The following ITGAD variants were observed in gnomAD, a reference collection of about 807,000 sequenced individuals.
The protein encoded by ITGAD is integrin subunit alpha D, also known as integrin alpha-D.
A neutral mutation model predicts 139.0 loss-of-function variants in ITGAD; 105 were observed. The observed-to-expected ratio is 0.76, with a 90% confidence interval of 0.65 to 0.89. The LOEUF (loss-of-function observed/expected upper bound fraction) is 0.89. Among genes scored for constraint, ITGAD ranks in the 40% least tolerant of loss-of-function variants. The pLI is 0.00. For missense variants in ITGAD, 1,384 were observed against 1,487.3 expected (o/e 0.93, Z 1.14); for synonymous variants, 569 against 598.3 (o/e 0.95, Z 0.71).
Position 31,414,866 on chromosome 16 carries a change from G to A in ITGAD, c.2158G>A (p.Val720Met). The change falls in exon 18 of 30, where the codon GTG becomes ATG. Residue 720 changes from valine (V) to methionine (M), a missense_variant. By Grantham distance (21) the Val-to-Met change is conservative (BLOSUM62 1). Transcript: ENST00000389202. Reference sequence around the variant, plus strand: ...AAAGCCTGTTCTCTCTCAGGATTGTGTGGAGGATGTGGTGAGCCCCATCAT... The same window carrying A: ...AAAGCCTGTTCTCTCTCAGGATTGTATGGAGGATGTGGTGAGCCCCATCAT... ...ETLKLLLPDC[V>M]EDVVSPIILH... is the part of the protein sequence containing the mutation. 6.2e-7 allele frequency: 1 copy of A among 1,614,076 alleles called. No homozygotes were observed. The highest frequency in any genetic ancestry group is 8.5e-7 in the Non-Finnish European group (1 of 1,179,996).
At chr16:31,398,792 G>A (rs1200755994) in intron 5 of ITGAD, among the ~76,000 whole-genome samples, 2 of 152,152 alleles carry the variant, frequency 1.3e-5, no homozygotes, top group Non-Finnish European at 2.9e-5. Context: ...CCTGAGGGAT[G>A]AAAGTTCTGA....
intron 5 of ITGAD, among the ~76,000 whole-genome samples, chr16:31,400,540 G>A (rs1456177969): frequency 2.6e-5 from 4 of 152,148 alleles, no homozygotes; most frequent in African/African-American, 9.7e-5. Flanking sequence ...AGTCTTATTT[G>A]TTCATGTGCA....
intron 5 of ITGAD, among the ~76,000 whole-genome samples, chr16:31,401,845 G>C (rs931634500): frequency 6.6e-6 from 1 of 152,220 alleles, no homozygotes; most frequent in Non-Finnish European, 1.5e-5. Flanking sequence ...CTTGATGCTT[G>C]TGGCACCCCT....
chr16:31,407,876 C>T lies in ITGAD; in HGVS notation c.969C>T (p.Ser323=). The change falls in exon 9 of 30, where the codon AGC becomes AGT. Residue 323 remains serine, a synonymous_variant. Transcript: ENST00000389202. Reference sequence around the variant, plus strand: ...TGGACAACTTTGCAGCCCTTGGCAGCATCCAGAAGCAGCTGCAGGAGAAGA... The same window carrying T: ...TGGACAACTTTGCAGCCCTTGGCAGTATCCAGAAGCAGCTGCAGGAGAAGA... The part of the protein sequence containing the change: ...FKVDNFAALG[S]IQKQLQEKIY... 6.3e-7 allele frequency: 1 copy of T among 1,598,874 alleles called. No individual in the cohort carries two copies.
chr16:31,411,328 C>A lies in ITGAD; in HGVS notation c.1518C>A (p.Asp506Glu). 1 of 1,613,172 alleles carries A rather than the reference C, an allele frequency of 6.2e-7. No homozygotes were observed. The highest frequency in any genetic ancestry group is 8.5e-7 in the Non-Finnish European group (1 of 1,179,450). ...LPRGRVQWQC[D>E]AVLRGEQGHP... is the part of the protein sequence containing the mutation. ...AGCAGAGGGTGCAGTGGCAGTGTGA[C>A]GCTGTTCTCCGTGGTGAGCAGGGCC... Residue 506 changes from aspartate (D) to glutamate (E), a missense_variant, in exon 14 of 30, where the codon GAC (aspartate) becomes GAA (glutamate). By Grantham distance (45) the Asp-to-Glu change is conservative. Coordinates refer to ENST00000389202, the MANE Select transcript of ITGAD (RefSeq NM_005353.3).
At chr16:31,415,139 T>G in intron 18 of ITGAD, 148 bp downstream of exon 18, 37 of 827,430 alleles carry the variant, frequency 4.5e-5, no homozygotes, top group Non-Finnish European at 6.3e-5. Flanking sequence ...CCCAGGCCTG[T>G]GGGTTCTGTC....
intron 19 of ITGAD, 53 bp from the exon 20 acceptor site, chr16:31,416,452 T>C: frequency 6.3e-7 from 1 of 1,585,846 alleles, no homozygotes; most frequent in Non-Finnish European, 8.6e-7. Flanking sequence ...CCCTTCCCAG[T>C]TCCCACCTAT....
intron 2 of ITGAD, among the ~76,000 whole-genome samples, chr16:31,396,827 A>G (rs2081274106): frequency 6.6e-6 from 1 of 152,224 alleles, no homozygotes; most frequent in Non-Finnish European, 1.5e-5. Context: ...CTATAGATAT[A>G]GTTATGGATC....
intron 29 of ITGAD, among the ~76,000 whole-genome samples, 187 bp from the exon 30 acceptor site, chr16:31,425,828 G>A (rs567650297): frequency 2.7e-5 from 4 of 149,658 alleles, no homozygotes; most frequent in East Asian, 2.0e-4. Context: ...GATTACAGGC[G>A]CACCACCACA....
chr16:31,411,033 C>T (rs776115280), intron 12 of ITGAD, 43 bp from the exon 13 acceptor site: 15 of 1,608,822 alleles, frequency 9.3e-6, no homozygotes, highest in African/African-American at 1.3e-5. Context: ...ACAGGGCTGC[C>T]TCTGGCTGGG....
intron 5 of ITGAD, among the ~76,000 whole-genome samples, chr16:31,401,803 C>G (rs1308818844): frequency 6.6e-6 from 1 of 152,256 alleles, no homozygotes; most frequent in Admixed American, 6.5e-5. Context: ...CTCCAGAACA[C>G]GCGCCCTGAA....
Position 31,411,213 on chromosome 16 carries a change from G to A in ITGAD, c.1494G>A (p.Arg498=), listed in dbSNP as rs202112357. The A allele has an allele frequency of 7.4e-6, 12 of 1,613,338 alleles. No individual in the cohort carries two copies. Among genetic ancestry groups the A allele is most frequent in the Non-Finnish European group, 1.0e-5 (12 of 1,179,556 alleles). Residue 498 remains arginine, a synonymous_variant, in exon 13 of 30, where the codon AGG becomes AGA. Coordinates refer to ENST00000389202, the MANE Select transcript of ITGAD (RefSeq NM_005353.3). ...GGQVSVCPLP[R]GRVQWQCDAV... ...AGGTGTCCGTGTGTCCCTTGCCTAG[G>A]GGGGTGAGTGGCTGATGGGACCTAG...
chr16:31,411,000 G>T (rs1252160334), intron 12 of ITGAD, 76 bp from the exon 13 acceptor site: 18 of 1,601,176 alleles, frequency 1.1e-5, no homozygotes, highest in African/African-American at 2.7e-5. Context: ...CCTGGTACCT[G>T]GGGAGAGGCG....
intron 2 of ITGAD, among the ~76,000 whole-genome samples, chr16:31,394,868 A>C (rs1354369748): frequency 1.3e-5 from 2 of 152,096 alleles, no homozygotes; most frequent in African/African-American, 4.8e-5. Context: ...TTTTACAGAG[A>C]TGGAGTCTTG....
At position 31,414,604 on chromosome 16, in the gene ITGAD, C is replaced by T. The variant is rs897823625; in HGVS notation, c.2150C>T (p.Pro717Leu). 31 of 1,614,026 alleles carry T rather than the reference C, an allele frequency of 1.9e-5. No homozygotes were observed. The highest frequency in any genetic ancestry group is 2.6e-5 in the Non-Finnish European group (31 of 1,179,908). ...TGTGAAACCCTGAAGCTGCTTTTGC[C>T]AGTGAGGACTTTGGGTTCTGGGAAG... Reference protein sequence around the residue: ...IHCETLKLLLPDCVEDVVSPI... With the variant: ...IHCETLKLLLLDCVEDVVSPI... The change falls in exon 17 of 30, where the codon CCA becomes CTA. Residue 717 changes from proline (P) to leucine (L), a missense_variant and splice_region_variant. Physicochemically the swap from Pro to Leu is moderately conservative, Grantham distance 98. Coordinates refer to ENST00000389202, the MANE Select transcript of ITGAD (RefSeq NM_005353.3).
chr16:31,414,726 A>G, intron 17 of ITGAD, 121 bp downstream of exon 17: 1 of 1,550,722 alleles, frequency 6.4e-7, no homozygotes, highest in East Asian at 2.3e-5. Context: ...AGAGAGGGAC[A>G]TTAGGGCAGG....
intron 12 of ITGAD, 22 bp downstream of exon 12, chr16:31,410,900 A>AGGGGAGGATGAGGGT (rs746737129): frequency 5.4e-6 from 5 of 920,324 alleles, no homozygotes; most frequent in Non-Finnish European, 4.6e-6. Context: ...CAGGAGCCAG[A>AGGGGAGGATGAGGGT]GGGGAGGATG....
Position 31,405,697 on chromosome 16 carries a change from C to T in ITGAD, c.705-1818C>T, listed in dbSNP as rs561618827. On this transcript the variant is annotated intron_variant, in intron 7 of 29. Transcript: ENST00000389202. ...TCACTCTGTCTCCCAGGCTGGGGTG[C>T]GGTGGCACGATCACGGCTCACTGCA... is the stretch of plus-strand genomic sequence containing the variant. Among the ~76,000 whole-genome samples, 72 of 140,234 alleles carry T rather than the reference C, an allele frequency of 5.1e-4. No individual in the cohort carries two copies. In the South Asian group the frequency reaches 0.011, roughly 22 times the overall value. The allele number at this position is 140,234 out of a possible 152,430, so 92.0% of individuals were successfully genotyped here. A position where few individuals can be genotyped will look rare whatever the true frequency, so the allele number is the denominator to read the frequency against.
rs773678366 is a variant in ITGAD at position 31,416,522 on chromosome 16, T to C, written c.2375T>C (p.Val792Ala). 1.8e-5 allele frequency: 29 copies of C among 1,612,084 alleles called. No individual in the cohort carries two copies. The highest frequency in any genetic ancestry group is 2.5e-6 in the Non-Finnish European group (3 of 1,178,400). ...LSFSGLQTLT[V>A]GSSLELNVIV... ...CCCTTCAGCCTGCAGACCCTGACCG[T>C]GGGGAGCTCCCTGGAGCTCAACGTG... The change falls in exon 20 of 30, where the codon GTG becomes GCG. Residue 792 changes from valine (V) to alanine (A), a missense_variant. Val to Ala is a moderately conservative substitution (Grantham distance 64). Coordinates refer to ENST00000389202, the MANE Select transcript of ITGAD (RefSeq NM_005353.3).
Sources: allele counts gnomAD v4.1 joint callset (sites outside exome capture counted in the v4.1 genomes callset), GRCh38; gene constraint gnomAD v4.1.1; transcripts MANE v1.5; gene names NCBI Gene and HGNC (gene_info 2026-07-23, HGNC 2026-07-21).